The following CSMD1 variants were observed in gnomAD, a reference collection of about 807,000 sequenced individuals.
The protein encoded by CSMD1 is CUB and Sushi multiple domains 1.
Under a neutral mutation model 417.5 loss-of-function variants are expected in CSMD1, and 213 were observed. The ratio of observed to expected loss-of-function variants is 0.51; its 90% CI spans 0.46 to 0.57. The LOEUF (loss-of-function observed/expected upper bound fraction) is 0.57. CSMD1 is among the 20% of genes least tolerant of loss of function. CSMD1 has a pLI of 0.00. For missense variants in CSMD1, 6,923 were observed against 4,529.7 expected (o/e 1.53, Z -15.17); for synonymous variants, 2,862 against 1,736.8 (o/e 1.65, Z -16.11).
At chr8:4,334,772 G>C (rs528251291) in intron 3 of CSMD1, among the ~76,000 whole-genome samples, 9 of 152,208 alleles carry the variant, frequency 5.9e-5, no homozygotes, top group Admixed American at 3.3e-4. Context: ...GTTGAATGTA[G>C]GCATTTTAGT....
chr8:3,284,076 G>C (rs1563223985), intron 26 of CSMD1, 68 bp downstream of exon 26: 2 of 1,232,346 alleles, frequency 1.6e-6, no homozygotes, highest in East Asian at 5.1e-5. Context: ...AATATAAATG[G>C]AGGGAGATCT....
chr8:3,734,092 C>A (rs1324110137), intron 6 of CSMD1, among the ~76,000 whole-genome samples: 1 of 152,062 alleles, frequency 6.6e-6, no homozygotes, highest in Non-Finnish European at 1.5e-5. Context: ...ACTTCTTATC[C>A]TTGAGTTCCA....
At chr8:3,628,346 G>A (rs761416782) in intron 7 of CSMD1, among the ~76,000 whole-genome samples, 6 of 152,142 alleles carry the variant, frequency 3.9e-5, no homozygotes, top group Non-Finnish European at 7.4e-5. Flanking sequence ...CACACCGGCC[G>A]AGGGTGACCT....
At chr8:4,160,067 C>A (rs953126011) in intron 3 of CSMD1, among the ~76,000 whole-genome samples, 7 of 150,226 alleles carry the variant, frequency 4.7e-5, no homozygotes, top group African/African-American at 1.7e-4. Flanking sequence ...ACCACCTGTT[C>A]TCCAAAAGTA....
At chr8:4,336,191 G>C (rs1038695112) in intron 3 of CSMD1, among the ~76,000 whole-genome samples, 3 of 152,140 alleles carry the variant, frequency 2.0e-5, no homozygotes, top group Non-Finnish European at 4.4e-5. Flanking sequence ...AGCGCTGGTT[G>C]ACTCAGGGAA....
chr8:3,057,712 G>A (rs771324138), intron 49 of CSMD1, among the ~76,000 whole-genome samples: 1 of 152,116 alleles, frequency 6.6e-6, no homozygotes, highest in Non-Finnish European at 1.5e-5. Context: ...TTAAAAGGCT[G>A]AGGCCTCAAA....
intron 1 of CSMD1, among the ~76,000 whole-genome samples, chr8:4,680,369 A>C (rs1805960713): frequency 6.6e-6 from 1 of 152,166 alleles, no homozygotes; most frequent in African/African-American, 2.4e-5. Flanking sequence ...TTTCCCTACT[A>C]ATGTTACTGT....
chr8:3,502,150 G>A (rs141625509), intron 10 of CSMD1, among the ~76,000 whole-genome samples: 3,299 of 152,080 alleles, frequency 0.022, 86 homozygotes, highest in East Asian at 0.11. Context: ...AGATCACGAG[G>A]TCAGGAGATC....
At chr8:4,742,621 T>G (rs1425250328) in intron 1 of CSMD1, among the ~76,000 whole-genome samples, 2 of 152,168 alleles carry the variant, frequency 1.3e-5, no homozygotes, top group Non-Finnish European at 2.9e-5. Flanking sequence ...TTATTAATAC[T>G]GCTTCTATTA....
chr8:3,863,576 T>C (rs1184841914), intron 5 of CSMD1, among the ~76,000 whole-genome samples: 1 of 152,060 alleles, frequency 6.6e-6, no homozygotes, highest in East Asian at 1.9e-4. Flanking sequence ...TTTACAAAAA[T>C]ATAATCTAAG....
chr8:3,978,626 T>G (rs1315516055), intron 5 of CSMD1, among the ~76,000 whole-genome samples: 7 of 152,130 alleles, frequency 4.6e-5, no homozygotes, highest in African/African-American at 1.7e-4. Context: ...AGGAAACGTC[T>G]CGTCGCTGCT....
At chr8:4,080,516 T>G (rs1158956633) in intron 3 of CSMD1, among the ~76,000 whole-genome samples, 1 of 152,236 alleles carries the variant, frequency 6.6e-6, no homozygotes, top group Non-Finnish European at 1.5e-5. Flanking sequence ...AAGAAGATAC[T>G]GATCAAGACT....
chr8:3,868,184 G>A (rs1244084416), intron 5 of CSMD1, among the ~76,000 whole-genome samples: 2 of 151,918 alleles, frequency 1.3e-5, no homozygotes, highest in Non-Finnish European at 2.9e-5. Context: ...CCAACACCTG[G>A]TGCAGTTGGA....
chr8:4,008,230 G>C (rs1309241921), intron 4 of CSMD1, among the ~76,000 whole-genome samples: 2 of 149,670 alleles, frequency 1.3e-5, no homozygotes, highest in Non-Finnish European at 2.9e-5. Flanking sequence ...TCAAGTTCAA[G>C]TTTAACTTAA....
At chr8:3,980,705 C>G (rs960669041) in intron 5 of CSMD1, among the ~76,000 whole-genome samples, 1 of 152,080 alleles carries the variant, frequency 6.6e-6, no homozygotes, top group Non-Finnish European at 1.5e-5. Context: ...TTTAAAAGAA[C>G]GATGTGACAA....
chr8:3,075,837 C>A (rs753816924), intron 49 of CSMD1, among the ~76,000 whole-genome samples: 4 of 149,782 alleles, frequency 2.7e-5, no homozygotes, highest in Non-Finnish European at 5.9e-5. Flanking sequence ...GTCAGGAGAT[C>A]GAGACCATCC....
chr8:3,438,979 G>A (rs892193705), intron 12 of CSMD1, among the ~76,000 whole-genome samples: 1 of 151,120 alleles, frequency 6.6e-6, no homozygotes, highest in African/African-American at 2.4e-5. Flanking sequence ...GCCGGGCATG[G>A]TAGTGGGCAC....
At chr8:3,376,429 T>A (rs557110049) in intron 18 of CSMD1, among the ~76,000 whole-genome samples, 1 of 152,016 alleles carries the variant, frequency 6.6e-6, no homozygotes, top group Non-Finnish European at 1.5e-5. Flanking sequence ...TAAATTTTTC[T>A]ACAGAACATA....
At chr8:4,028,230 G>C (rs554721528) in intron 4 of CSMD1, among the ~76,000 whole-genome samples, 7 of 152,106 alleles carry the variant, frequency 4.6e-5, no homozygotes, top group African/African-American at 1.2e-4. Flanking sequence ...ATTCAAATAC[G>C]ATTAATCCCA....
Sources: allele counts gnomAD v4.1 joint callset (sites outside exome capture counted in the v4.1 genomes callset), GRCh38; gene constraint gnomAD v4.1.1; transcripts MANE v1.5; gene names NCBI Gene and HGNC (gene_info 2026-07-23, HGNC 2026-07-21).